Variants in PCNT observed in about 807,000 individuals in gnomAD.
PCNT encodes the protein kendrin.
Under a neutral mutation model 380.4 loss-of-function variants are expected in PCNT, and 319 were observed. That is an observed-to-expected ratio of 0.84 (90% CI 0.77 to 0.92). PCNT has a LOEUF of 0.92. Among genes scored for constraint, PCNT ranks in the 40% least tolerant of loss-of-function variants. PCNT has a pLI of 0.00. For synonymous variants in PCNT, 1,845 were observed against 1,735.2 expected (o/e 1.06, Z -1.57); for missense variants, 4,400 against 4,255.3 (o/e 1.03, Z -0.95).
rs769504203 is a variant in PCNT at position 46,388,706 on chromosome 21, A to AC, written c.3465-34dup. 7.4e-6 allele frequency: 12 copies of AC among 1,612,140 alleles called. No individual in the cohort carries two copies. Among genetic ancestry groups the AC allele is most frequent in the Non-Finnish European group, 9.3e-6 (11 of 1,179,924 alleles). On this transcript the variant is annotated intron_variant, in intron 17 of 46. Transcript: ENST00000359568. The surrounding 1 kb of genome is among the most constrained non-coding windows in gnomAD (Gnocchi z 4.2). Reference sequence around the variant, plus strand: ...CCAGGGTGGGGGTTCTTATGCCGTGACCAGCTTGCCTGATGATGGGTGTCT... The same window carrying AC: ...CCAGGGTGGGGGTTCTTATGCCGTGACCCAGCTTGCCTGATGATGGGTGTCT...
Position 46,357,074 on chromosome 21 carries a change from G to A in PCNT, c.2037G>A (p.Val679=). 1 of 1,614,108 alleles carries A rather than the reference G, an allele frequency of 6.2e-7. No individual in the cohort carries two copies. The highest frequency in any genetic ancestry group is 8.5e-7 in the Non-Finnish European group (1 of 1,179,938). The change falls in exon 13 of 47, where the codon GTG becomes GTA. Residue 679 remains valine, a synonymous_variant. Transcript: ENST00000359568. ...RVLGLETEHK[V]QLSLLQTELK... is the part of the protein sequence containing the mutation. ...TGGGTCTGGAAACTGAGCACAAGGT[G>A]CAACTTTCGCTTCTTCAGACTGAGC... is the stretch of plus-strand genomic sequence containing the variant.
At chr21:46,340,093 A>G (rs1445654282) in intron 3 of PCNT, among the ~76,000 whole-genome samples, 1 of 152,202 alleles carries the variant, frequency 6.6e-6, no homozygotes, top group Non-Finnish European at 1.5e-5. Flanking sequence ...GAGGCCTCAC[A>G]GTCATGGTGG....
At chr21:46,401,745 G>T in intron 26 of PCNT, 24 bp downstream of exon 26, 1 of 1,613,488 alleles carries the variant, frequency 6.2e-7, no homozygotes, top group Non-Finnish European at 8.5e-7. Flanking sequence ...GGGGCCATGG[G>T]ACTGCCAGCC....
chr21:46,415,987 A>T, intron 29 of PCNT, 82 bp from the exon 30 acceptor site: 1 of 1,405,732 alleles, frequency 7.1e-7, no homozygotes. Flanking sequence ...AAACTCCCTG[A>T]AATCCACTCA....
chr21:46,334,784 T>C lies in PCNT; in HGVS notation c.639+16T>C, dbSNP rs1366412653. The C allele has an allele frequency of 1.2e-5, 19 of 1,614,140 alleles. No homozygotes were observed. Among genetic ancestry groups the C allele is most frequent in the Admixed American group, 1.7e-5 (1 of 60,004 alleles). On this transcript the variant is annotated intron_variant, in intron 3 of 46. Coordinates refer to ENST00000359568, the MANE Select transcript of PCNT (RefSeq NM_006031.6). ...GTTCACAAAGGTATTCTTTAAGTTC[T>C]CTGTTAAGGTGTATTCTTTGTCAAA...
At chr21:46,437,142 C>A in intron 40 of PCNT, 61 bp downstream of exon 40, 1 of 1,100,488 alleles carries the variant, frequency 9.1e-7, no homozygotes, top group Non-Finnish European at 1.4e-6. Flanking sequence ...GCCCTCTCGG[C>A]AGCTTTGTGG....
At chr21:46,368,070 G>A (rs1601859388) in intron 15 of PCNT, among the ~76,000 whole-genome samples, 1 of 152,046 alleles carries the variant, frequency 6.6e-6, no homozygotes, top group East Asian at 1.9e-4. Flanking sequence ...CAGGAGGATT[G>A]CTTGAGCCCA....
In PCNT at chr21:46,324,876, G is replaced by T. The variant is rs1038796716; in HGVS notation, c.54+594G>T. 5.1e-6 allele frequency: 5 copies of T among 985,470 alleles called. No homozygotes were observed. The African/African-American group carries it at 8.7e-5, about 17-fold the overall frequency. The allele number at this position is 985,470 out of a possible 1,614,324, so 61.0% of individuals were successfully genotyped here. A position where few individuals can be genotyped will look rare whatever the true frequency, so the allele number is the denominator to read the frequency against. On this transcript the variant is annotated intron_variant, in intron 1 of 46. Transcript: ENST00000359568. ...CGTCCGTCGGAGATGCTTTCCCCGC[G>T]CGTTTCTCGCGGCGTTGCAGTCCTT...
intron 27 of PCNT, among the ~76,000 whole-genome samples, chr21:46,408,093 TCAC>T (rs1256417599): frequency 6.6e-6 from 1 of 152,256 alleles, no homozygotes; most frequent in Non-Finnish European, 1.5e-5. Flanking sequence ...CCTGTAATAA[TCAC>T]CACAATCTCA....
Position 46,430,098 on chromosome 21 carries a change from CAG to C in PCNT, c.7780_7781del (p.Ser2594ArgfsTer21), listed in dbSNP as rs2087686195. On this transcript the variant is annotated frameshift_variant, in exon 36 of 47. Transcript: ENST00000359568. LOFTEE classifies it high-confidence loss of function. The part of the protein sequence containing the change: ...TLSEEQEKAN[S>X]VQKLLAAEQT... ...TGAGTGAAGAGCAAGAGAAGGCAAA[CAG>C]CGTGCAGAAGCTCCTGGCGGCGGAG... The C allele has an allele frequency of 6.2e-7, 1 of 1,614,218 alleles. No individual in the cohort carries two copies. Among genetic ancestry groups the C allele is most frequent in the Non-Finnish European group, 8.5e-7 (1 of 1,180,026 alleles).
At chr21:46,378,860 C>A (rs561614957) in intron 15 of PCNT, among the ~76,000 whole-genome samples, 1 of 152,308 alleles carries the variant, frequency 6.6e-6, no homozygotes, top group South Asian at 2.1e-4. Context: ...TATTGTCGTA[C>A]CAACCACATC....
chr21:46,357,682 G>T (rs1254463389), intron 13 of PCNT, among the ~76,000 whole-genome samples: 2 of 152,174 alleles, frequency 1.3e-5, no homozygotes, highest in Non-Finnish European at 2.9e-5. Context: ...GCCTGCCTTG[G>T]CCTCCTACAG....
At chr21:46,412,140 C>T (rs2086809819) in intron 28 of PCNT, 73 bp downstream of exon 28, 2 of 1,512,792 alleles carry the variant, frequency 1.3e-6, no homozygotes, top group Non-Finnish European at 1.8e-6. Context: ...TCAATGACTT[C>T]TCTCTGCGCT....
At chr21:46,410,136 G>T (rs947782926) in intron 27 of PCNT, among the ~76,000 whole-genome samples, 3 of 152,234 alleles carry the variant, frequency 2.0e-5, no homozygotes, top group African/African-American at 7.2e-5. Flanking sequence ...ACACAGTAAG[G>T]CACGCGACGG....
intron 2 of PCNT, among the ~76,000 whole-genome samples, chr21:46,333,177 T>G (rs533497520): frequency 3.9e-5 from 6 of 152,286 alleles, no homozygotes; most frequent in Non-Finnish European, 8.8e-5. Flanking sequence ...CTCACACCTG[T>G]AATCCCAGCA....
chr21:46,426,035 G>C (rs964889229), intron 33 of PCNT, 64 bp downstream of exon 33: 13 of 1,468,864 alleles, frequency 8.9e-6, no homozygotes, highest in Non-Finnish European at 1.2e-5. Context: ...TAATGGCCGC[G>C]TCCTTAGGGC....
intron 15 of PCNT, among the ~76,000 whole-genome samples, chr21:46,375,956 T>C (rs1207360909): frequency 2.0e-5 from 3 of 152,218 alleles, no homozygotes; most frequent in Non-Finnish European, 4.4e-5. Flanking sequence ...AGGTCAAGAC[T>C]GCACACATGG....
At chr21:46,344,265 A>G (rs2083996711) in intron 3 of PCNT, among the ~76,000 whole-genome samples, 1 of 151,756 alleles carries the variant, frequency 6.6e-6, no homozygotes, top group Admixed American at 6.6e-5. Context: ...TGGTAGAGAG[A>G]GGGTTTCACC....
At chr21:46,349,284 T>G in intron 7 of PCNT, 98 bp downstream of exon 7, 1 of 1,017,064 alleles carries the variant, frequency 9.8e-7, no homozygotes, top group Non-Finnish European at 1.6e-6. Flanking sequence ...ATTGCGCACG[T>G]TTCCTACCTT....
Sources: allele counts gnomAD v4.1 joint callset (sites outside exome capture counted in the v4.1 genomes callset), GRCh38; gene constraint gnomAD v4.1.1; non-coding constraint Gnocchi (gnomAD v3.1); transcripts MANE v1.5; gene names NCBI Gene and HGNC (gene_info 2026-07-23, HGNC 2026-07-21).